STK33: variants seen among roughly 807,000 people sequenced by gnomAD.
The protein encoded by STK33 is serine/threonine-protein kinase 33.
A neutral mutation model predicts 58.0 loss-of-function variants in STK33; 52 were observed. The ratio of observed to expected loss-of-function variants is 0.90; its 90% CI spans 0.72 to 1.13. STK33 has a LOEUF of 1.13. Among genes scored for constraint, STK33 ranks in the 50% most tolerant of loss-of-function variants. The probability of loss-of-function intolerance (pLI) is 0.00; values close to 1 mark genes in which losing one functional copy is unlikely to be tolerated. For synonymous variants in STK33, 215 were observed against 200.1 expected (o/e 1.07, Z -0.63); for missense variants, 630 against 604.2 (o/e 1.04, Z -0.45).
chr11:8,557,391 G>A (rs1338498458), intron 1 of STK33, among the ~76,000 whole-genome samples: 3 of 149,536 alleles, frequency 2.0e-5, no homozygotes, highest in Non-Finnish European at 4.5e-5. Context: ...GAAAAAAGGA[G>A]GGGAAAAAGG....
At chr11:8,507,361 T>C (rs542035037) in intron 1 of STK33, among the ~76,000 whole-genome samples, 7 of 152,290 alleles carry the variant, frequency 4.6e-5, no homozygotes, top group South Asian at 2.1e-4. Context: ...CATCAGTAAA[T>C]TGGAGATAAC....
At chr11:8,374,759 G>T in the STK33 span, among the ~76,000 whole-genome samples, 1 of 152,156 alleles carries the variant, frequency 6.6e-6, no homozygotes, top group Non-Finnish European at 1.5e-5. Context: ...TGATGTTCAC[G>T]CAGAGAGGTC....
intron 6 of STK33, among the ~76,000 whole-genome samples, chr11:8,469,803 A>G (rs1485017504): frequency 6.6e-6 from 1 of 152,216 alleles, no homozygotes; most frequent in Non-Finnish European, 1.5e-5. Context: ...GTACATCTCC[A>G]TTAGAGCTCT....
chr11:8,593,191 A>C (rs935324992), intron 1 of STK33, among the ~76,000 whole-genome samples: 1 of 152,224 alleles, frequency 6.6e-6, no homozygotes, highest in Non-Finnish European at 1.5e-5. Flanking sequence ...ATATATCTGC[A>C]TATCCATCAC....
intron 2 of STK33, among the ~76,000 whole-genome samples, chr11:8,479,798 G>A (rs1050299080): frequency 4.6e-5 from 7 of 151,842 alleles, no homozygotes; most frequent in Admixed American, 1.3e-4. Context: ...AGCTGAGATC[G>A]CACCACTGCA....
At chr11:8,393,826 T>C (rs139657733) in intron 15 of STK33, among the ~76,000 whole-genome samples, 1,780 of 152,300 alleles carry the variant, frequency 0.012, 35 homozygotes, top group African/African-American at 0.04. Context: ...GTTTGCCTAG[T>C]GAATCCATGA....
At chr11:8,399,563 G>A (rs1207359291) in intron 15 of STK33, among the ~76,000 whole-genome samples, 1 of 152,034 alleles carries the variant, frequency 6.6e-6, no homozygotes, top group Non-Finnish European at 1.5e-5. Context: ...AAGAACTAGA[G>A]AAGCAAGAGC....
the STK33 span, among the ~76,000 whole-genome samples, chr11:8,353,144 ATATCCTC>A: frequency 1.3e-5 from 2 of 152,212 alleles, no homozygotes; most frequent in Non-Finnish European, 2.9e-5. Flanking sequence ...CTGAGCCCAC[ATATCCTC>A]CCAGGCCATG....
the STK33 span, among the ~76,000 whole-genome samples, chr11:8,382,574 G>C: frequency 1.3e-5 from 2 of 152,204 alleles, no homozygotes; most frequent in East Asian, 3.9e-4. Flanking sequence ...ATGTGCCCCA[G>C]TGCCTGTGGG....
intron 1 of STK33, among the ~76,000 whole-genome samples, chr11:8,554,017 G>T (rs1956553486): frequency 6.6e-6 from 1 of 152,166 alleles, no homozygotes. Flanking sequence ...ACAACTCACA[G>T]AGTAGGAGAA....
intron 14 of STK33, among the ~76,000 whole-genome samples, chr11:8,432,701 G>A (rs1235647219): frequency 2.6e-5 from 4 of 152,204 alleles, no homozygotes; most frequent in Admixed American, 1.3e-4. Flanking sequence ...GCAGGGCGCT[G>A]AGAGAACTAC....
intron 1 of STK33, among the ~76,000 whole-genome samples, chr11:8,496,835 A>G (rs1951097116): frequency 6.6e-6 from 1 of 151,986 alleles, no homozygotes; most frequent in African/African-American, 2.4e-5. Flanking sequence ...CGGCCTCCCA[A>G]AGTGCTAGGA....
the STK33 span, among the ~76,000 whole-genome samples, chr11:8,368,220 T>C: frequency 9.2e-5 from 14 of 152,298 alleles, no homozygotes; most frequent in East Asian, 1.9e-4. Flanking sequence ...TGCATGGCTA[T>C]GGAAAGGACT....
intron 9 of STK33, 105 bp downstream of exon 9, chr11:8,457,236 T>A (rs1338932685): frequency 1.0e-6 from 1 of 992,490 alleles, no homozygotes; most frequent in Non-Finnish European, 1.4e-6. Flanking sequence ...TCTTCTATAT[T>A]AGCAGGTGTT....
chr11:8,500,048 A>G (rs1951394151), intron 1 of STK33, among the ~76,000 whole-genome samples: 1 of 152,148 alleles, frequency 6.6e-6, no homozygotes, highest in African/African-American at 2.4e-5. Flanking sequence ...CTGCACATGT[A>G]CCCCAGAACT....
chr11:8,366,435 G>A, the STK33 span, among the ~76,000 whole-genome samples: 1,822 of 152,352 alleles, frequency 0.012, 36 homozygotes, highest in African/African-American at 0.04. Flanking sequence ...GGAAAGGAGG[G>A]ACAAGAGCGA....
At chr11:8,513,938 C>A (rs1293170187) in intron 1 of STK33, among the ~76,000 whole-genome samples, 3 of 151,960 alleles carry the variant, frequency 2.0e-5, no homozygotes. Flanking sequence ...ACCAATTAAC[C>A]ACCCCCACTT....
At chr11:8,529,444 G>T (rs1954334955) in intron 1 of STK33, among the ~76,000 whole-genome samples, 2 of 152,098 alleles carry the variant, frequency 1.3e-5, no homozygotes, top group African/African-American at 2.4e-5. Flanking sequence ...AGAATTCAAG[G>T]TTCCTAGGAA....
intron 15 of STK33, among the ~76,000 whole-genome samples, chr11:8,409,586 C>G (rs1939859148): frequency 6.6e-6 from 1 of 152,076 alleles, no homozygotes. Flanking sequence ...TTCCACAGTA[C>G]CTTAAGTAAC....
Sources: gnomAD v4.1 joint callset for allele counts (sites outside exome capture counted in the v4.1 genomes callset) on GRCh38, gnomAD v4.1.1 for gene constraint, MANE v1.5 for transcripts, NCBI Gene and HGNC (gene_info 2026-07-23, HGNC 2026-07-21) for gene names.